Variants in CGNL1 observed in about 807,000 individuals in gnomAD.
CGNL1 encodes cingulin like 1, also known as cingulin-like protein 1.
CGNL1 carries 132 observed loss-of-function variants against 141.2 expected under a neutral mutation model. The ratio of observed to expected loss-of-function variants is 0.93; its 90% confidence interval spans 0.81 to 1.08. The LOEUF is 1.08. CGNL1 is among the 50% of genes least tolerant of loss of function. The probability of loss-of-function intolerance (pLI) is 0.00; values close to 1 mark genes in which losing one functional copy is unlikely to be tolerated. For synonymous variants in CGNL1, 690 were observed against 622.1 expected (o/e 1.11, Z -1.63); for missense variants, 1,870 against 1,588.6 (o/e 1.18, Z -3.01).
At chr15:57,479,979 A>G (rs921360362) in intron 8 of CGNL1, among the ~76,000 whole-genome samples, 6 of 152,188 alleles carry the variant, frequency 3.9e-5, no homozygotes, top group African/African-American at 1.4e-4. Flanking sequence ...CGTGAGCTAC[A>G]TATTATGCCA....
chr15:57,420,379 T>G (rs1433530071), intron 1 of CGNL1, among the ~76,000 whole-genome samples: 1 of 152,198 alleles, frequency 6.6e-6, no homozygotes, highest in African/African-American at 2.4e-5. Context: ...TATGTAACCA[T>G]CTACAAATCA....
chr15:57,544,691 C>G, intron 16 of CGNL1, 94 bp downstream of exon 16: 1 of 1,439,484 alleles, frequency 6.9e-7, no homozygotes, highest in Non-Finnish European at 9.4e-7. Context: ...TGTCCTGATC[C>G]TCGTAGCCTG....
In CGNL1 at chr15:57,452,235, C is replaced by T; in HGVS notation, c.2000C>T (p.Thr667Ile). Reference sequence around the variant, plus strand: ...AACGAAAAGGTGGAGGAGAACTCCACATTGCAGCAACGACTGGAAGAAAGT... The same window carrying T: ...AACGAAAAGGTGGAGGAGAACTCCATATTGCAGCAACGACTGGAAGAAAGT... ...QHNEKVEENS[T>I]LQQRLEESEG... The change falls in exon 6 of 19, where the codon ACA (threonine) becomes ATA (isoleucine). Residue 667 changes from threonine (T) to isoleucine (I), a missense_variant. Coordinates refer to ENST00000281282, the MANE Select transcript of CGNL1 (RefSeq NM_032866.5). 6.2e-7 allele frequency: 1 copy of T among 1,614,034 alleles called. No individual in the cohort carries two copies. The highest frequency in any genetic ancestry group is 8.5e-7 in the Non-Finnish European group (1 of 1,179,958).
intron 1 of CGNL1, among the ~76,000 whole-genome samples, chr15:57,406,303 A>G (rs2062722270): frequency 6.6e-6 from 1 of 152,152 alleles, no homozygotes; most frequent in Admixed American, 6.5e-5. Flanking sequence ...TAAGGCATGA[A>G]GCATAAGAGC....
chr15:57,424,314 A>G (rs572181478), intron 1 of CGNL1, among the ~76,000 whole-genome samples: 2 of 151,982 alleles, frequency 1.3e-5, no homozygotes, highest in Non-Finnish European at 2.9e-5. Flanking sequence ...TTAACTGTCT[A>G]TCTAGAATGG....
chr15:57,439,284 C>T lies in CGNL1; in HGVS notation c.1285C>T (p.Pro429Ser), dbSNP rs529064470. Residue 429 changes from proline to serine, a missense_variant, in exon 2 of 19, where the codon CCA becomes TCA. Transcript: ENST00000281282. The part of the protein sequence containing the change: ...LRPSQVCPQR[P>S]LSQERRGKQS... ...GCCTTCCCAGGTGTGCCCGCAGCGG[C>T]CACTGTCTCAGGAGCGCCGTGGGAA... The T allele has an allele frequency of 5.0e-5, 81 of 1,614,088 alleles. 1 individual carries two copies. The South Asian group carries it at 8.7e-4, about 17-fold the overall frequency.
At chr15:57,391,151 C>A (rs1293399124) in intron 1 of CGNL1, among the ~76,000 whole-genome samples, 1 of 152,184 alleles carries the variant, frequency 6.6e-6, no homozygotes, top group Non-Finnish European at 1.5e-5. Flanking sequence ...CCACCCTGTT[C>A]CCAGTCTAGG....
intron 4 of CGNL1, among the ~76,000 whole-genome samples, chr15:57,447,814 G>GTA (rs2063273737): frequency 9.3e-6 from 1 of 107,228 alleles, no homozygotes; most frequent in Non-Finnish European, 1.7e-5. Flanking sequence ...TCGTGTGTGT[G>GTA]TGTGTGTGTG....
intron 1 of CGNL1, among the ~76,000 whole-genome samples, chr15:57,393,063 G>C (rs2062560745): frequency 6.6e-6 from 1 of 152,088 alleles, no homozygotes; most frequent in Admixed American, 6.5e-5. Context: ...GGTATTGAAG[G>C]CCTTTTTAAT....
Position 57,547,544 on chromosome 15 carries a change from C to A in CGNL1, c.*54C>A. The A allele has an allele frequency of 1.3e-6, 2 of 1,589,474 alleles. No individual in the cohort carries two copies. The highest frequency in any genetic ancestry group is 1.1e-5 in the South Asian group (1 of 87,398). ...TCATTCCTGCAGGAGCTGCAGCCAC[C>A]CAAAGTGGGAGGCAGGGAGGGGAGC... On this transcript the variant is annotated 3_prime_UTR_variant, in exon 19 of 19. Transcript: ENST00000281282.
chr15:57,457,101 C>T (rs779296943), intron 7 of CGNL1, among the ~76,000 whole-genome samples: 4 of 152,122 alleles, frequency 2.6e-5, no homozygotes, highest in South Asian at 2.1e-4. Flanking sequence ...TGTCAGCTAC[C>T]GTTGCTATAA....
chr15:57,466,647 G>A (rs1457183226), intron 8 of CGNL1, among the ~76,000 whole-genome samples: 1 of 152,072 alleles, frequency 6.6e-6, no homozygotes, highest in Non-Finnish European at 1.5e-5. Flanking sequence ...CTTAATAGAT[G>A]TTTAGTAAAT....
At chr15:57,508,474 T>G (rs1283171759) in intron 8 of CGNL1, among the ~76,000 whole-genome samples, 14 of 152,210 alleles carry the variant, frequency 9.2e-5, no homozygotes, top group African/African-American at 3.4e-4. Flanking sequence ...TTTTAAAGAT[T>G]TGTATCTCTT....
chr15:57,526,292 C>G (rs1007057716), intron 12 of CGNL1, among the ~76,000 whole-genome samples: 3 of 152,156 alleles, frequency 2.0e-5, no homozygotes, highest in Non-Finnish European at 4.4e-5. Context: ...GACATGGACA[C>G]CTCATCATTC....
chr15:57,402,166 A>C (rs149902828), intron 1 of CGNL1: 1 of 152,096 alleles, frequency 6.6e-6, no homozygotes, highest in Non-Finnish European at 1.5e-5. Context: ...ATGGGAGTAG[A>C]TCCCTCATGA....
chr15:57,435,246 T>A (rs541197047), intron 1 of CGNL1, among the ~76,000 whole-genome samples: 1 of 152,260 alleles, frequency 6.6e-6, no homozygotes, highest in East Asian at 1.9e-4. Context: ...ATGTAAATAG[T>A]TGACTCTTGA....
intron 1 of CGNL1, among the ~76,000 whole-genome samples, chr15:57,431,486 A>G (rs2063043947): frequency 6.6e-6 from 1 of 152,218 alleles, no homozygotes; most frequent in Admixed American, 6.5e-5. Context: ...GTGTTTTGCT[A>G]ATCTTGGCTT....
chr15:57,396,137 T>G (rs78931802), intron 1 of CGNL1, among the ~76,000 whole-genome samples: 4,059 of 152,334 alleles, frequency 0.027, 199 homozygotes, highest in African/African-American at 0.092. Flanking sequence ...TTTTCCTCAT[T>G]GCTAAATATA....
chr15:57,498,296 C>G (rs1444328414), intron 8 of CGNL1, among the ~76,000 whole-genome samples: 3 of 134,230 alleles, frequency 2.2e-5, no homozygotes, highest in Non-Finnish European at 4.6e-5. Flanking sequence ...GTTGCCCAGG[C>G]TGGAGTGCAG....
Sources: gnomAD v4.1 joint callset for allele counts (sites outside exome capture counted in the v4.1 genomes callset) on GRCh38, gnomAD v4.1.1 for gene constraint, MANE v1.5 for transcripts, NCBI Gene and HGNC (gene_info 2026-07-23, HGNC 2026-07-21) for gene names.